Variants in ZNF382 observed in about 807,000 individuals in gnomAD.
ZNF382 encodes KRAB/zinc finger suppressor protein 1.
ZNF382 carries 20 observed loss-of-function variants against 38.8 expected under a neutral mutation model. The observed-to-expected ratio is 0.51, with a 90% CI of 0.36 to 0.75. The LOEUF is 0.75. ZNF382 is among the 30% of genes least tolerant of loss of function. ZNF382 has a pLI of 0.00. For synonymous variants in ZNF382, 202 were observed against 223.1 expected, an observed-to-expected ratio of 0.91 and a Z score of 0.84; for missense variants, 546 against 654.1, an observed-to-expected ratio of 0.83 and a Z score of 1.80.
chr19:36,615,386 C>T (rs2145321229), intron 4 of ZNF382, among the ~76,000 whole-genome samples: 1 of 152,304 alleles, frequency 6.6e-6, no homozygotes, highest in African/African-American at 2.4e-5. Context: ...TTATCTGCTA[C>T]ATACTAGCAT....
intron 1 of ZNF382, among the ~76,000 whole-genome samples, chr19:36,606,066 ATGAT>A (rs1419357361): frequency 6.6e-6 from 1 of 152,110 alleles, no homozygotes; most frequent in African/African-American, 2.4e-5. Flanking sequence ...AAATATTTGA[ATGAT>A]TGAGGAACTC....
chr19:36,611,486 T>C (rs1307412282), intron 4 of ZNF382, among the ~76,000 whole-genome samples: 3 of 152,198 alleles, frequency 2.0e-5, no homozygotes, highest in Non-Finnish European at 4.4e-5. Flanking sequence ...TTCCTTCATT[T>C]TTAATGCTGA....
rs1568632582 is a variant in ZNF382, at chr19:36,626,689, AAAG to A, written c.796_798del (p.Lys266del). 1 of 1,613,942 alleles carries A rather than the reference AAAG, an allele frequency of 6.2e-7. No homozygotes were observed. The highest frequency in any genetic ancestry group is 1.7e-5 in the Admixed American group (1 of 59,984). On this transcript the variant is annotated inframe_deletion, in exon 5 of 5. Transcript: ENST00000292928. ...GTGTCCATCCAAGTAATCTTATGGA[AAAG>A]AAGCCCTCTGCCTACAACAAATATG...
In ZNF382 at chr19:36,629,017, A is replaced by C. The variant is rs2037236495; in HGVS notation, c.*1467A>C. On this transcript the variant is annotated 3_prime_UTR_variant, in exon 5 of 5. Transcript: ENST00000292928. Reference sequence around the variant, plus strand: ...TGCTCTGTCACCCAGGCGGGAGTGCAGTGGCATGATCTTGGCTCACTGCAG... The same window carrying C: ...TGCTCTGTCACCCAGGCGGGAGTGCCGTGGCATGATCTTGGCTCACTGCAG... 1 of 140,470 alleles carries C rather than the reference A, an allele frequency of 7.1e-6. No homozygotes were observed. Among genetic ancestry groups the C allele is most frequent in the Non-Finnish European group, 1.5e-5 (1 of 66,692 alleles). 8.7% of individuals were successfully genotyped at this position (140,470 alleles called of 1,614,324 possible).
chr19:36,626,982 G>A lies in ZNF382; in HGVS notation c.1085G>A (p.Arg362His), dbSNP rs757614823. ...TGTATCGATTGTGGGAAGTCCTTCCGCCAGAAGGCCACCCTCACTAGACAT... is the reference window on the plus strand; with the variant it reads ...TGTATCGATTGTGGGAAGTCCTTCCACCAGAAGGCCACCCTCACTAGACAT... ...FICIDCGKSF[R>H]QKATLTRHHK... Residue 362 changes from arginine (R) to histidine (H), a missense_variant, in exon 5 of 5, where the codon CGC (arginine) becomes CAC (histidine). Physicochemically the swap from Arg to His is conservative, Grantham distance 29. Coordinates refer to ENST00000292928, the MANE Select transcript of ZNF382 (RefSeq NM_032825.5). 9.3e-6 allele frequency: 15 copies of A among 1,614,026 alleles called. No homozygotes were observed. Among genetic ancestry groups the A allele is most frequent in the Non-Finnish European group, 1.3e-5 (15 of 1,180,020 alleles).
chr19:36,619,967 G>A (rs903026556), intron 4 of ZNF382, among the ~76,000 whole-genome samples: 7 of 152,020 alleles, frequency 4.6e-5, no homozygotes, highest in Non-Finnish European at 1.0e-4. Flanking sequence ...TCCTGACCTC[G>A]AGATCTGCCC....
At chr19:36,616,994 A>C (rs541256666) in intron 4 of ZNF382, among the ~76,000 whole-genome samples, 2 of 152,212 alleles carry the variant, frequency 1.3e-5, no homozygotes, top group African/African-American at 2.4e-5. Flanking sequence ...GAGAGGAGGA[A>C]GGAGGAGTGG....
intron 2 of ZNF382, chr19:36,609,171 A>G (rs535050170): frequency 2.0e-5 from 3 of 152,260 alleles, no homozygotes; most frequent in Non-Finnish European, 4.4e-5. Context: ...GTCTATTGGA[A>G]GGAAATAAAA....
At chr19:36,614,915 T>TTTCCTTTCCTTTCCTTCCCTC in intron 4 of ZNF382, among the ~76,000 whole-genome samples, 1 of 28,334 alleles carries the variant, frequency 3.5e-5, no homozygotes, top group Non-Finnish European at 8.3e-5. Flanking sequence ...TTTCCTTTCC[T>TTTCCTTTCCTTTCCTTCCCTC]TCCCTTTCCC....
At chr19:36,622,361 AG>A (rs2037177072) in intron 4 of ZNF382, among the ~76,000 whole-genome samples, 1 of 152,156 alleles carries the variant, frequency 6.6e-6, no homozygotes, top group African/African-American at 2.4e-5. Flanking sequence ...CATGGAACTC[AG>A]TGAAAGCTGT....
In ZNF382 at chr19:36,632,021, G is replaced by C. The variant is rs140595179; in HGVS notation, c.*4471G>C. The C allele has an allele frequency of 6.6e-6, 1 of 152,418 alleles. No individual in the cohort carries two copies. Among genetic ancestry groups the C allele is most frequent in the East Asian group, 1.9e-4 (1 of 5,180 alleles). 9.4% of individuals were successfully genotyped at this position (152,418 alleles called of 1,614,324 possible). ...AAGCAAAGGATGTGGCTCAGCAAAA[G>C]AAAGGGAAGGTAAGCATTAGGGCTC... On this transcript the variant is annotated 3_prime_UTR_variant, in exon 5 of 5. Transcript: ENST00000292928.
chr19:36,618,065 AC>A (rs1404398783), intron 4 of ZNF382, among the ~76,000 whole-genome samples: 1 of 152,072 alleles, frequency 6.6e-6, no homozygotes, highest in Non-Finnish European at 1.5e-5. Context: ...AAATGAATGG[AC>A]CAGGATTTTT....
In ZNF382 at chr19:36,630,811, T is replaced by C; in HGVS notation, c.*3261T>C. 6.6e-6 allele frequency: 1 copy of C among 151,800 alleles called. No individual in the cohort carries two copies. The highest frequency in any genetic ancestry group is 1.5e-5 in the Non-Finnish European group (1 of 67,992). The allele number at this position is 151,800 out of a possible 1,614,324, so 9.4% of individuals were successfully genotyped here. ...ATTTTTTTTATTTTTTTGAGACAGG[T>C]TCTCAGTCTGTCACCTAGGCTGGAG... On this transcript the variant is annotated 3_prime_UTR_variant, in exon 5 of 5. Transcript: ENST00000292928.
chr19:36,608,488 T>A (rs1209652166), intron 2 of ZNF382: 1 of 152,210 alleles, frequency 6.6e-6, no homozygotes, highest in East Asian at 1.9e-4. Context: ...TGTCCTCTTT[T>A]CATATCTTTC....
At position 36,609,911 on chromosome 19, in the gene ZNF382, G is replaced by A; in HGVS notation, c.-4G>A. On this transcript the variant is annotated 5_prime_UTR_variant, in exon 3 of 5. It removes the in-frame stop codon of an upstream open reading frame in the 5' UTR. Transcript: ENST00000292928. ...TTTCCGATCACTTCAGGATGAACTA[G>A]AGTATGCCCTTACAGGGATCAGTGT... 6.2e-7 allele frequency: 1 copy of A among 1,608,928 alleles called. No homozygotes were observed. The highest frequency in any genetic ancestry group is 8.5e-7 in the Non-Finnish European group (1 of 1,178,502).
chr19:36,632,759 T>G lies in ZNF382; in HGVS notation c.*5209T>G, dbSNP rs2037261682. The G allele has an allele frequency of 6.6e-6, 1 of 152,220 alleles. No individual in the cohort carries two copies. The highest frequency in any genetic ancestry group is 1.5e-5 in the Non-Finnish European group (1 of 68,050). The allele number at this position is 152,220 out of a possible 1,614,324, so 9.4% of individuals were successfully genotyped here. A position where few individuals can be genotyped will look rare whatever the true frequency, so the allele number is the denominator to read the frequency against. ...GTAAATCAGCTCCATCTTATAAACATGGTTCCTATAACTGCTGTGTATTTC... is the reference window on the plus strand; with the variant it reads ...GTAAATCAGCTCCATCTTATAAACAGGGTTCCTATAACTGCTGTGTATTTC... On this transcript the variant is annotated 3_prime_UTR_variant, in exon 5 of 5. Coordinates refer to ENST00000292928, the MANE Select transcript of ZNF382 (RefSeq NM_032825.5).
chr19:36,620,986 TG>T (rs1166011069), intron 4 of ZNF382, among the ~76,000 whole-genome samples: 1 of 152,086 alleles, frequency 6.6e-6, no homozygotes, highest in East Asian at 1.9e-4. Context: ...CTCGAACTCC[TG>T]GTCTCAAGTG....
chr19:36,606,884 C>T (rs1468897403), intron 1 of ZNF382, among the ~76,000 whole-genome samples: 1 of 151,722 alleles, frequency 6.6e-6, no homozygotes, highest in Non-Finnish European at 1.5e-5. Context: ...TCGAGACCAG[C>T]CTGACCAACA....
chr19:36,615,356 A>G (rs2037117918), intron 4 of ZNF382, among the ~76,000 whole-genome samples: 1 of 152,206 alleles, frequency 6.6e-6, no homozygotes, highest in Non-Finnish European at 1.5e-5. Context: ...AGAGTAAACT[A>G]AGAAGTAGAT....
Sources: allele counts gnomAD v4.1 joint callset (sites outside exome capture counted in the v4.1 genomes callset), GRCh38; gene constraint gnomAD v4.1.1; transcripts MANE v1.5; gene names NCBI Gene and HGNC (gene_info 2026-07-23, HGNC 2026-07-21).